SUPT3H: variants seen among roughly 807,000 people sequenced by gnomAD.
SUPT3H encodes the protein transcription initiation protein SPT3 homolog.
SUPT3H carries 44 observed loss-of-function variants against 44.3 expected under a neutral mutation model. That is an observed-to-expected ratio of 0.99 (90% confidence interval 0.78 to 1.28). The LOEUF (loss-of-function observed/expected upper bound fraction) is 1.28. Among genes scored for constraint, SUPT3H ranks in the 50% most tolerant of loss-of-function variants. The pLI is 0.00. For missense variants in SUPT3H, 380 were observed against 387.1 expected (o/e 0.98, Z 0.15); for synonymous variants, 124 against 125.6 (o/e 0.99, Z 0.09).
At position 44,961,616 on chromosome 6, in the gene SUPT3H, C is replaced by A. The variant is rs1239058236; in HGVS notation, c.580+137G>T. 10 of 665,004 alleles carry A rather than the reference C, an allele frequency of 1.5e-5. No individual in the cohort carries two copies. In the South Asian group the frequency reaches 1.9e-4, roughly 13 times the overall value. 41.2% of individuals were successfully genotyped at this position (665,004 alleles called of 1,614,324 possible). ...ATTTATAGGCTCCCCACAATGTAGA[C>A]GTTGTTTGTATAGCACTTACAACTA... On this transcript the variant is annotated intron_variant, in intron 7 of 10. Coordinates refer to ENST00000371459, the MANE Select transcript of SUPT3H (RefSeq NM_003599.4).
chr6:45,334,093 C>T (rs972380082), intron 2 of SUPT3H, among the ~76,000 whole-genome samples: 1 of 151,232 alleles, frequency 6.6e-6, no homozygotes, highest in African/African-American at 2.4e-5. Context: ...TCTTTTATCT[C>T]TACTATTCCT....
chr6:45,240,680 C>T (rs543490582), intron 2 of SUPT3H, among the ~76,000 whole-genome samples: 10 of 152,286 alleles, frequency 6.6e-5, no homozygotes, highest in African/African-American at 1.9e-4. Flanking sequence ...TCTCAGTCTG[C>T]GTGCCATGGC....
intron 2 of SUPT3H, among the ~76,000 whole-genome samples, chr6:45,190,853 T>C (rs1460831025): frequency 6.6e-6 from 1 of 152,234 alleles, no homozygotes; most frequent in Middle Eastern, 3.4e-3. Flanking sequence ...TATGTCATTA[T>C]GTTTCAAATA....
chr6:44,924,765 A>G (rs892726214), intron 10 of SUPT3H, among the ~76,000 whole-genome samples: 23 of 152,140 alleles, frequency 1.5e-4, no homozygotes, highest in Non-Finnish European at 2.8e-4. Flanking sequence ...TCAGTGGCCT[A>G]CAGTTTTAAA....
intron 2 of SUPT3H, among the ~76,000 whole-genome samples, chr6:45,228,044 T>C (rs538907704): frequency 1.3e-4 from 20 of 152,312 alleles, no homozygotes; most frequent in Middle Eastern, 3.4e-3. Context: ...AGCAATGCTA[T>C]GGCAATATCA....
At chr6:44,953,942 T>C (rs1423488976) in intron 8 of SUPT3H, among the ~76,000 whole-genome samples, 1 of 152,140 alleles carries the variant, frequency 6.6e-6, no homozygotes, top group Non-Finnish European at 1.5e-5. Flanking sequence ...TTCACCATAT[T>C]GGCCAAGCTG....
At chr6:45,187,100 T>TGAA in intron 2 of SUPT3H, among the ~76,000 whole-genome samples, 1 of 67,108 alleles carries the variant, frequency 1.5e-5, no homozygotes. Flanking sequence ...TTTTTCGCCT[T>TGAA]TAAAAAAAAA....
chr6:45,112,389 G>A (rs140195110), intron 2 of SUPT3H, among the ~76,000 whole-genome samples: 174 of 152,084 alleles, frequency 1.1e-3, no homozygotes, highest in African/African-American at 4.0e-3. Context: ...TAAGAAACAT[G>A]TCATTGTTCC....
chr6:45,128,555 T>C (rs1434699255), intron 2 of SUPT3H, among the ~76,000 whole-genome samples: 3 of 58,278 alleles, frequency 5.1e-5, no homozygotes, highest in South Asian at 6.1e-4. Context: ...TATATATATA[T>C]ATACACACAC....
chr6:44,994,525 GTCTGACTGTACAC>G (rs1189404375), intron 6 of SUPT3H, among the ~76,000 whole-genome samples: 1 of 152,048 alleles, frequency 6.6e-6, no homozygotes, highest in African/African-American at 2.4e-5. Context: ...TTTTGCTGAA[GTCTGACTGTACAC>G]TCAACTTCAG....
intron 2 of SUPT3H, among the ~76,000 whole-genome samples, chr6:45,146,719 A>G (rs1806141320): frequency 6.6e-6 from 1 of 152,144 alleles, no homozygotes. Flanking sequence ...TAAAGCATCA[A>G]AATTGGGTGA....
At chr6:45,222,074 T>G (rs138534231) in intron 2 of SUPT3H, among the ~76,000 whole-genome samples, 1 of 151,964 alleles carries the variant, frequency 6.6e-6, no homozygotes, top group Non-Finnish European at 1.5e-5. Flanking sequence ...TGGACATTCA[T>G]AGGCAAAAAA....
chr6:44,822,723 ATCATCTAAAGT>A (rs1289741041), downstream of SUPT3H, among the ~76,000 whole-genome samples: 1 of 152,228 alleles, frequency 6.6e-6, no homozygotes, highest in Non-Finnish European at 1.5e-5. Flanking sequence ...AAAAGCTGTG[ATCATCTAAAGT>A]TCATAAGCTG....
intron 2 of SUPT3H, among the ~76,000 whole-genome samples, chr6:45,314,308 G>A (rs776068028): frequency 1.1e-4 from 17 of 152,256 alleles, no homozygotes; most frequent in Non-Finnish European, 2.4e-4. Flanking sequence ...TCCGACAAGA[G>A]AAAGAGATAA....
intron 2 of SUPT3H, among the ~76,000 whole-genome samples, chr6:45,152,544 T>G (rs1362474845): frequency 1.3e-5 from 2 of 152,154 alleles, no homozygotes; most frequent in Non-Finnish European, 2.9e-5. Flanking sequence ...CAGGCTAGAG[T>G]GCAGTAGTCC....
At chr6:44,887,021 A>G (rs1191909751) in intron 10 of SUPT3H, among the ~76,000 whole-genome samples, 1 of 152,210 alleles carries the variant, frequency 6.6e-6, no homozygotes, top group Non-Finnish European at 1.5e-5. Context: ...GAGACAAAGA[A>G]GGCCATTACA....
chr6:45,328,364 C>T (rs535268603), intron 2 of SUPT3H: 9 of 1,383,878 alleles, frequency 6.5e-6, no homozygotes, highest in Admixed American at 1.9e-5. Flanking sequence ...ACCACAAGTG[C>T]GGTGCAAACT....
At chr6:44,965,289 C>G (rs1438781794) in intron 6 of SUPT3H, among the ~76,000 whole-genome samples, 1 of 152,146 alleles carries the variant, frequency 6.6e-6, no homozygotes, top group African/African-American at 2.4e-5. Flanking sequence ...GGCAGCAGAA[C>G]CCCTAGGCTG....
At position 44,954,541 on chromosome 6, in the gene SUPT3H, A is replaced by G; in HGVS notation, c.647T>C (p.Val216Ala). ...CSSMEIKPNV[V>A]AMEILAYLAY... The stretch of plus-strand genomic sequence containing the variant: ...TAAATATGCTAAGATTTCCATTGCG[A>G]CAACATTGGGTTTTATCTCCATACT... The change falls in exon 8 of 11, where the codon GTC (valine) becomes GCC (alanine). Residue 216 changes from valine to alanine, a missense_variant. Val to Ala is a moderately conservative substitution (Grantham distance 64). Coordinates refer to ENST00000371459, the MANE Select transcript of SUPT3H (RefSeq NM_003599.4). 2 of 1,614,206 alleles carry G rather than the reference A, an allele frequency of 1.2e-6. No individual in the cohort carries two copies. The highest frequency in any genetic ancestry group is 2.2e-5 in the East Asian group (1 of 44,872).
Sources: gnomAD v4.1 joint callset for allele counts (sites outside exome capture counted in the v4.1 genomes callset) on GRCh38, gnomAD v4.1.1 for gene constraint, MANE v1.5 for transcripts, NCBI Gene and HGNC (gene_info 2026-07-23, HGNC 2026-07-21) for gene names.